Variants in PBX3 observed in about 807,000 individuals in gnomAD.
PBX3 encodes PBX homeobox 3.
PBX3 carries 14 observed loss-of-function variants against 48.5 expected under a neutral mutation model. The ratio of observed to expected loss-of-function variants is 0.29; its 90% CI spans 0.19 to 0.45. The LOEUF (loss-of-function observed/expected upper bound fraction) is 0.45. Among genes scored for constraint, PBX3 ranks in the 20% least tolerant of loss-of-function variants. The pLI is 1.00. For synonymous variants in PBX3, 210 were observed against 200.3 expected (o/e 1.05, Z -0.41); for missense variants, 386 against 546.7 (o/e 0.71, Z 2.93).
chr9:125,922,994 A>G (rs1332071970), intron 3 of PBX3, among the ~76,000 whole-genome samples: 1 of 152,276 alleles, frequency 6.6e-6, no homozygotes, highest in Non-Finnish European at 1.5e-5. Context: ...CTAATTAATC[A>G]TGTATGAACT....
intron 3 of PBX3, among the ~76,000 whole-genome samples, chr9:125,928,369 ACT>A (rs1223527806): frequency 6.7e-6 from 1 of 148,570 alleles, no homozygotes; most frequent in African/African-American, 2.5e-5. Context: ...ACACAGTGAG[ACT>A]CTGAATATTA....
At chr9:125,781,561 G>A (rs1253938766) in intron 2 of PBX3, among the ~76,000 whole-genome samples, 1 of 128,052 alleles carries the variant, frequency 7.8e-6, no homozygotes, top group Non-Finnish European at 1.6e-5. Flanking sequence ...GGAGAGGGGA[G>A]AGGCGAGAGG....
rs139811526 is a variant in PBX3 at position 125,871,786 on chromosome 9, T to G, written c.275-43900T>G. On this transcript the variant is annotated intron_variant, in intron 2 of 8. Coordinates refer to ENST00000373489, the MANE Select transcript of PBX3 (RefSeq NM_006195.6). ...TTTAAAATGTGACTGCTAGAGAATT[T>G]AAAATTACATATGGGGTTCTCATTA... 1.8e-4 allele frequency among the ~76,000 whole-genome samples: 27 copies of G among 152,328 alleles called. No individual in the cohort carries two copies. The East Asian group carries it at 4.8e-3, about 27-fold the overall frequency.
intron 2 of PBX3, among the ~76,000 whole-genome samples, chr9:125,811,352 C>A (rs1010753512): frequency 6.6e-6 from 1 of 152,140 alleles, no homozygotes; most frequent in African/African-American, 2.4e-5. Context: ...TGTGTCCCTA[C>A]CCAAATCTCA....
intron 2 of PBX3, among the ~76,000 whole-genome samples, chr9:125,872,815 A>G (rs530617010): frequency 6.6e-6 from 1 of 151,722 alleles, no homozygotes; most frequent in Non-Finnish European, 1.5e-5. Context: ...GAGGGACACT[A>G]TATCTTGATA....
Position 125,747,627 on chromosome 9 carries a change from C to G in PBX3, c.174C>G (p.Asp58Glu). Residue 58 changes from aspartate to glutamate, a missense_variant, in exon 1 of 9, where the codon GAC (aspartate) becomes GAG (glutamate). Physicochemically the swap from Asp to Glu is conservative, Grantham distance 45 (BLOSUM62 2). Transcript: ENST00000373489. Reference protein sequence around the residue: ...DILHQIMTITDQSLDEAQAKK... With the variant: ...DILHQIMTITEQSLDEAQAKK... ...TCCACCAGATCATGACCATCACCGA[C>G]CAGAGCTTGGACGAGGCGCAAGCAA... The G allele has an allele frequency of 6.3e-7, 1 of 1,597,364 alleles. No individual in the cohort carries two copies. Among genetic ancestry groups the G allele is most frequent in the South Asian group, 1.1e-5 (1 of 89,542 alleles).
At chr9:125,943,839 G>A (rs1842013456) in intron 5 of PBX3, among the ~76,000 whole-genome samples, 1 of 152,108 alleles carries the variant, frequency 6.6e-6, no homozygotes, top group Non-Finnish European at 1.5e-5. Flanking sequence ...GAAGAGATGA[G>A]GGAAGGGTCA....
chr9:125,781,641 A>G (rs1026909700), intron 2 of PBX3, among the ~76,000 whole-genome samples: 2 of 152,028 alleles, frequency 1.3e-5, no homozygotes, highest in Non-Finnish European at 2.9e-5. Context: ...TTTCAAAGAA[A>G]CAAATTTTGG....
chr9:125,794,983 A>G (rs770582176), intron 2 of PBX3, among the ~76,000 whole-genome samples: 1 of 152,214 alleles, frequency 6.6e-6, no homozygotes, highest in Non-Finnish European at 1.5e-5. Flanking sequence ...TCACTTACCA[A>G]CTTTTCTGCC....
intron 2 of PBX3, among the ~76,000 whole-genome samples, chr9:125,788,887 G>A (rs1377658050): frequency 6.7e-6 from 1 of 149,200 alleles, no homozygotes; most frequent in Non-Finnish European, 1.5e-5. Context: ...AAAAAAAAAA[G>A]GAAAGCTTGC....
intron 2 of PBX3, among the ~76,000 whole-genome samples, chr9:125,811,754 C>T (rs138682389): frequency 1.9e-4 from 29 of 152,228 alleles, no homozygotes; most frequent in African/African-American, 6.5e-4. Flanking sequence ...CTGCTGTATC[C>T]TTACATGGTG....
intron 2 of PBX3, among the ~76,000 whole-genome samples, chr9:125,868,621 A>G (rs1371446763): frequency 6.6e-6 from 1 of 152,228 alleles, no homozygotes; most frequent in Non-Finnish European, 1.5e-5. Context: ...GCATATGTGC[A>G]GCTTAAGAAA....
At chr9:125,890,396 A>G (rs1840613206) in intron 2 of PBX3, among the ~76,000 whole-genome samples, 1 of 152,248 alleles carries the variant, frequency 6.6e-6, no homozygotes, top group African/African-American at 2.4e-5. Flanking sequence ...TCCAAAGGGA[A>G]TTCCACAGGG....
chr9:125,804,333 ATATGAGC>A (rs1192168567), intron 2 of PBX3, among the ~76,000 whole-genome samples: 2 of 152,222 alleles, frequency 1.3e-5, no homozygotes, highest in African/African-American at 2.4e-5. Context: ...TTTTCAAGGT[ATATGAGC>A]TATTGAGCCT....
chr9:125,927,895 T>TGGGGGGGG (rs1198850514), intron 3 of PBX3, among the ~76,000 whole-genome samples: 1 of 151,904 alleles, frequency 6.6e-6, no homozygotes, highest in Non-Finnish European at 1.5e-5. Context: ...AAAAATTAGC[T>TGGGGGGGG]GGGGGCCAGG....
intron 3 of PBX3, among the ~76,000 whole-genome samples, chr9:125,921,565 C>A (rs561776464): frequency 6.6e-6 from 1 of 152,140 alleles, no homozygotes; most frequent in South Asian, 2.1e-4. Flanking sequence ...CCTTATAAAA[C>A]CCTCATGAGA....
At chr9:125,866,811 A>C (rs113031261) in intron 2 of PBX3, among the ~76,000 whole-genome samples, 3,908 of 152,304 alleles carry the variant, frequency 0.026, 66 homozygotes, top group Middle Eastern at 0.051. Flanking sequence ...AAGTGTTAAT[A>C]TTCCTTCTTG....
intron 2 of PBX3, among the ~76,000 whole-genome samples, chr9:125,827,089 A>G (rs927445829): frequency 2.0e-5 from 3 of 152,086 alleles, no homozygotes; most frequent in Admixed American, 2.0e-4. Context: ...CCTCTGTGTG[A>G]TCAACTTTTT....
chr9:125,820,640 C>T (rs1358045742), intron 2 of PBX3, among the ~76,000 whole-genome samples: 2 of 152,186 alleles, frequency 1.3e-5, no homozygotes, highest in Non-Finnish European at 2.9e-5. Context: ...GGTGGAGCAC[C>T]TGCATTTGAC....
Sources: allele counts gnomAD v4.1 joint callset (sites outside exome capture counted in the v4.1 genomes callset), GRCh38; gene constraint gnomAD v4.1.1; transcripts MANE v1.5; gene names NCBI Gene and HGNC (gene_info 2026-07-23, HGNC 2026-07-21).